The following PGBD5 variants were observed in gnomAD, a reference collection of about 807,000 sequenced individuals.
The protein encoded by PGBD5 is piggyBac transposable element-derived protein 5.
In PGBD5, 14 loss-of-function variants were observed where a neutral mutation model predicts 47.9. The ratio of observed to expected loss-of-function variants is 0.29; its 90% CI spans 0.19 to 0.46. PGBD5 has a LOEUF of 0.46. Among genes scored for constraint, PGBD5 ranks in the 20% least tolerant of loss-of-function variants. PGBD5 has a pLI of 1.00. For synonymous variants in PGBD5, 316 were observed against 306.3 expected, an observed-to-expected ratio of 1.03 and a Z score of -0.33; for missense variants, 635 against 716.0, an observed-to-expected ratio of 0.89 and a Z score of 1.29.
intron 5 of PGBD5, among the ~76,000 whole-genome samples, chr1:230,329,451 G>T (rs926481867): frequency 3.9e-5 from 6 of 152,202 alleles, no homozygotes; most frequent in African/African-American, 1.4e-4. Flanking sequence ...TAGTAGAACA[G>T]AATATAAGAT....
intron 1 of PGBD5, among the ~76,000 whole-genome samples, chr1:230,369,298 G>A (rs1667891296): frequency 6.6e-6 from 1 of 152,250 alleles, no homozygotes; most frequent in South Asian, 2.1e-4. Context: ...CAATGATGAA[G>A]ACATCAACGA....
intron 1 of PGBD5, among the ~76,000 whole-genome samples, chr1:230,383,386 A>T (rs1317834702): frequency 2.0e-5 from 3 of 151,238 alleles, no homozygotes; most frequent in African/African-American, 4.9e-5. Flanking sequence ...TTAATTTTTG[A>T]GAGAGTCTCA....
intron 1 of PGBD5, among the ~76,000 whole-genome samples, chr1:230,422,647 G>A (rs555481742): frequency 6.6e-6 from 1 of 152,118 alleles, no homozygotes. Flanking sequence ...AGGTGAGAGA[G>A]GAGACAGAAG....
intron 1 of PGBD5, among the ~76,000 whole-genome samples, chr1:230,375,895 C>T (rs1271983910): frequency 6.6e-6 from 1 of 151,860 alleles, no homozygotes; most frequent in Non-Finnish European, 1.5e-5. Flanking sequence ...CTGGCACCAA[C>T]AGCCGGGGTG....
In PGBD5 at chr1:230,383,567, T is replaced by C. The variant is rs143799499; in HGVS notation, c.332-26246A>G. On this transcript the variant is annotated intron_variant, in intron 1 of 6. Coordinates refer to ENST00000391860, the MANE Select transcript of PGBD5 (RefSeq NM_001258311.2). ...TTGTATTTTTTGTAGAGATAGGGTC[T>C]CACTATGTTGCCCAGGCTGGTCTTG... Among the ~76,000 whole-genome samples the C allele has an allele frequency of 6.6e-4, 100 of 152,228 alleles. 1 individual carries two copies. The East Asian group carries it at 0.013, about 19-fold the overall frequency.
chr1:230,399,490 C>T (rs928369505), intron 1 of PGBD5, among the ~76,000 whole-genome samples: 15 of 152,318 alleles, frequency 9.8e-5, no homozygotes, highest in East Asian at 7.7e-4. Flanking sequence ...AAAACCCTCC[C>T]ATGGGTCTGG....
chr1:230,360,414 G>C (rs1667724103), intron 1 of PGBD5, among the ~76,000 whole-genome samples: 1 of 152,174 alleles, frequency 6.6e-6, no homozygotes. Context: ...CTATTCAGGA[G>C]TCAGTGATAT....
intron 5 of PGBD5, among the ~76,000 whole-genome samples, chr1:230,327,898 A>G (rs959856239): frequency 6.6e-6 from 1 of 152,202 alleles, no homozygotes; most frequent in Non-Finnish European, 1.5e-5. Context: ...CAGGTCTCCC[A>G]TCTCCAGCTA....
chr1:230,393,849 A>G (rs1031630279), intron 1 of PGBD5, among the ~76,000 whole-genome samples: 4 of 143,062 alleles, frequency 2.8e-5, no homozygotes, highest in East Asian at 2.1e-4. Context: ...AAAAAATAAT[A>G]GGCCCGGGGC....
At chr1:230,363,474 C>T (rs1230025204) in intron 1 of PGBD5, among the ~76,000 whole-genome samples, 3 of 152,100 alleles carry the variant, frequency 2.0e-5, no homozygotes, top group South Asian at 2.1e-4. Flanking sequence ...CCCAGCTACT[C>T]GGAAGGCCAA....
At chr1:230,358,122 C>A (rs915897263) in intron 1 of PGBD5, among the ~76,000 whole-genome samples, 1 of 151,970 alleles carries the variant, frequency 6.6e-6, no homozygotes, top group African/African-American at 2.4e-5. Flanking sequence ...TCCAACACTC[C>A]CCCCAGACAG....
intron 1 of PGBD5, among the ~76,000 whole-genome samples, chr1:230,403,293 T>C (rs1657188773): frequency 6.6e-6 from 1 of 152,218 alleles, no homozygotes; most frequent in South Asian, 2.1e-4. Flanking sequence ...ATAATTTAAG[T>C]GGAGTGCTGC....
At position 230,389,756 on chromosome 1, in the gene PGBD5, TAAAA is replaced by T. The variant is rs576481486; in HGVS notation, c.332-32439_332-32436del. Among the ~76,000 whole-genome samples the T allele has an allele frequency of 1.2e-4, 18 of 152,342 alleles. No individual in the cohort carries two copies. In the South Asian group the frequency reaches 3.7e-3, roughly 32 times the overall value. On this transcript the variant is annotated intron_variant, in intron 1 of 6. Transcript: ENST00000391860. ...AAAATCCAATTAGTAAATGTTTCAT[TAAAA>T]TAGAGAAAGTTTAGCCTTATGCCAA...
Position 230,316,918 on chromosome 1 carries a change from C to G in PGBD5, c.*6507G>C, listed in dbSNP as rs994754816. 1 of 152,290 alleles carries G rather than the reference C, an allele frequency of 6.6e-6. No homozygotes were observed. The highest frequency in any genetic ancestry group is 2.4e-5 in the African/African-American group (1 of 41,452). The allele number at this position is 152,290 out of a possible 1,614,324, so 9.4% of individuals were successfully genotyped here. ...CAGATACACACACGCATACCTGGCT[C>G]TCAGGGCAAGTTGCAGGTTGGCAAG... On this transcript the variant is annotated 3_prime_UTR_variant, in exon 7 of 7. Transcript: ENST00000391860.
intron 1 of PGBD5, among the ~76,000 whole-genome samples, chr1:230,376,993 G>A (rs955281803): frequency 2.0e-5 from 3 of 152,106 alleles, no homozygotes; most frequent in Non-Finnish European, 4.4e-5. Flanking sequence ...CTACAATTAC[G>A]GTCAGCTAGC....
chr1:230,350,322 CA>C (rs767008836), intron 3 of PGBD5, among the ~76,000 whole-genome samples: 1 of 152,220 alleles, frequency 6.6e-6, no homozygotes, highest in Non-Finnish European at 1.5e-5. Flanking sequence ...AGCTCAACCT[CA>C]GATGCTTTTC....
At chr1:230,356,454 C>T (rs911447539) in intron 2 of PGBD5, among the ~76,000 whole-genome samples, 11 of 152,142 alleles carry the variant, frequency 7.2e-5, no homozygotes, top group African/African-American at 2.2e-4. Flanking sequence ...AAGTAACCCC[C>T]GATGATCTGA....
intron 5 of PGBD5, among the ~76,000 whole-genome samples, chr1:230,330,031 A>C (rs1024573521): frequency 3.3e-5 from 5 of 152,214 alleles, no homozygotes; most frequent in Non-Finnish European, 7.3e-5. Context: ...GAAATACAGA[A>C]AACAATGTGC....
At chr1:230,402,534 G>A (rs752742270) in intron 1 of PGBD5, among the ~76,000 whole-genome samples, 20 of 152,316 alleles carry the variant, frequency 1.3e-4, no homozygotes, top group Middle Eastern at 3.4e-3. Context: ...TCTGAGTTTA[G>A]CCTCAAACTC....
Sources: gnomAD v4.1 joint callset for allele counts (sites outside exome capture counted in the v4.1 genomes callset) on GRCh38, gnomAD v4.1.1 for gene constraint, MANE v1.5 for transcripts, NCBI Gene and HGNC (gene_info 2026-07-23, HGNC 2026-07-21) for gene names.